The following CSMD1 variants were observed in gnomAD, a reference collection of about 807,000 sequenced individuals.
CSMD1 encodes the protein CUB and sushi domain-containing protein 1.
Under a neutral mutation model 417.5 loss-of-function variants are expected in CSMD1, and 213 were observed. The ratio of observed to expected loss-of-function variants is 0.51; its 90% confidence interval spans 0.46 to 0.57. CSMD1 has a LOEUF of 0.57. Ranked by LOEUF, CSMD1 falls within the 20% of genes least tolerant of loss-of-function variation. The pLI is 0.00. For missense variants in CSMD1, 6,923 were observed against 4,529.7 expected (o/e 1.53, Z -15.17); for synonymous variants, 2,862 against 1,736.8 (o/e 1.65, Z -16.11).
chr8:4,926,733 A>G (rs144942193), intron 1 of CSMD1, among the ~76,000 whole-genome samples: 126 of 152,240 alleles, frequency 8.3e-4, no homozygotes, highest in African/African-American at 2.9e-3. Context: ...TTTACAATCT[A>G]TACTGTGACT....
At chr8:4,897,935 A>C (rs1471730024) in intron 1 of CSMD1, among the ~76,000 whole-genome samples, 1 of 152,152 alleles carries the variant, frequency 6.6e-6, no homozygotes, top group Non-Finnish European at 1.5e-5. Flanking sequence ...TAGATTCTAA[A>C]CATAAGTCTA....
chr8:3,643,800 G>A (rs546869175), intron 7 of CSMD1, among the ~76,000 whole-genome samples: 2 of 151,742 alleles, frequency 1.3e-5, no homozygotes, highest in Non-Finnish European at 2.9e-5. Context: ...ATACAGAGAA[G>A]GGGAGGAATC....
intron 3 of CSMD1, among the ~76,000 whole-genome samples, chr8:4,344,453 G>A (rs896949251): frequency 5.3e-5 from 8 of 151,886 alleles, no homozygotes; most frequent in Non-Finnish European, 8.8e-5. Context: ...GCTCAAAGAT[G>A]CATTCTTTTA....
At chr8:4,837,729 G>A (rs1350306) in intron 1 of CSMD1, among the ~76,000 whole-genome samples, 65,300 of 151,730 alleles carry the variant, frequency 0.43, 14,452 homozygotes, top group Non-Finnish European at 0.49. Flanking sequence ...AGTAATAACC[G>A]TACATTTAAA....
At chr8:4,639,710 A>G (rs76260382) in intron 1 of CSMD1, among the ~76,000 whole-genome samples, 1 of 152,210 alleles carries the variant, frequency 6.6e-6, no homozygotes, top group Non-Finnish European at 1.5e-5. Flanking sequence ...AATTATTTTC[A>G]ACTACATTTT....
At chr8:4,146,666 C>G (rs1229277267) in intron 3 of CSMD1, among the ~76,000 whole-genome samples, 1 of 115,618 alleles carries the variant, frequency 8.6e-6, no homozygotes, top group African/African-American at 3.5e-5. Context: ...GGCTGGAGCG[C>G]AGTGGTGTGA....
chr8:4,020,267 G>T (rs893694551), intron 4 of CSMD1, among the ~76,000 whole-genome samples: 13 of 152,204 alleles, frequency 8.5e-5, no homozygotes, highest in African/African-American at 2.7e-4. Flanking sequence ...ACAGCACTGG[G>T]ATTTGCCCCA....
At position 3,052,593 on chromosome 8, in the gene CSMD1, T is replaced by C. The variant is rs1357274137; in HGVS notation, c.7529A>G (p.Glu2510Gly). Residue 2510 changes from glutamate to glycine, a missense_variant, in exon 50 of 70, where the codon GAG becomes GGG. Transcript: ENST00000635120. Reference protein sequence around the residue: ...SPGNGSFTGNEFTLDSKVVYE... With the variant: ...SPGNGSFTGNGFTLDSKVVYE... ...GACCACTTTACTGTCCAAAGTGAAC[T>C]CGTTCCCGGTAAATGAACCGTTTCC... is the stretch of plus-strand genomic sequence containing the variant. 1.2e-6 allele frequency: 2 copies of C among 1,612,036 alleles called. No homozygotes were observed.
At chr8:3,275,823 C>T (rs1026626547) in intron 26 of CSMD1, among the ~76,000 whole-genome samples, 2 of 152,028 alleles carry the variant, frequency 1.3e-5, no homozygotes, top group Non-Finnish European at 2.9e-5. Context: ...TCTAGTTATA[C>T]ATTCTTCTAA....
intron 48 of CSMD1, among the ~76,000 whole-genome samples, chr8:3,089,544 C>T (rs922856028): frequency 2.6e-5 from 4 of 152,112 alleles, no homozygotes; most frequent in East Asian, 1.9e-4. Flanking sequence ...GGGGATGCAA[C>T]GTGTGGTCAT....
chr8:3,841,771 A>T (rs1803151784), intron 5 of CSMD1, among the ~76,000 whole-genome samples: 1 of 152,118 alleles, frequency 6.6e-6, no homozygotes, highest in Non-Finnish European at 1.5e-5. Context: ...ACATCCACAG[A>T]CAATGAAAAT....
intron 3 of CSMD1, among the ~76,000 whole-genome samples, chr8:4,212,587 T>C (rs1006614427): frequency 3.3e-5 from 5 of 152,064 alleles, no homozygotes; most frequent in East Asian, 1.9e-4. Flanking sequence ...GGCCTGACAT[T>C]GTCAGTAGGT....
intron 1 of CSMD1, among the ~76,000 whole-genome samples, chr8:4,852,299 A>G (rs1801525728): frequency 6.6e-6 from 1 of 152,090 alleles, no homozygotes; most frequent in South Asian, 2.1e-4. Flanking sequence ...GTGGGAGCTG[A>G]TCCCTCATAG....
intron 5 of CSMD1, among the ~76,000 whole-genome samples, chr8:3,767,555 G>T (rs918716540): frequency 1.3e-5 from 2 of 152,154 alleles, no homozygotes; most frequent in African/African-American, 4.8e-5. Flanking sequence ...AACATCCAAA[G>T]CTGATTGCTG....
chr8:3,540,704 C>T (rs1283284249), intron 10 of CSMD1, among the ~76,000 whole-genome samples: 3 of 151,898 alleles, frequency 2.0e-5, no homozygotes, highest in African/African-American at 7.3e-5. Context: ...ACAAACAATC[C>T]CATTAAAAAG....
intron 3 of CSMD1, among the ~76,000 whole-genome samples, chr8:4,121,245 T>G (rs1991141): frequency 0.99 from 150,518 of 152,158 alleles, 74,473 homozygotes; most frequent in East Asian, 1. Flanking sequence ...CTCCCAGCTA[T>G]CTGGGATTAC....
chr8:2,999,532 T>C (rs1404077061), intron 53 of CSMD1, among the ~76,000 whole-genome samples: 1 of 152,174 alleles, frequency 6.6e-6, no homozygotes, highest in Non-Finnish European at 1.5e-5. Flanking sequence ...CAAAAATGTA[T>C]GCAACACGGA....
chr8:3,942,236 G>A (rs1321253946), intron 5 of CSMD1, among the ~76,000 whole-genome samples: 3 of 151,960 alleles, frequency 2.0e-5, no homozygotes, highest in East Asian at 3.9e-4. Context: ...ATATTACTGT[G>A]TAATCTTAAT....
At chr8:4,087,551 A>G (rs977240669) in intron 3 of CSMD1, among the ~76,000 whole-genome samples, 5 of 152,128 alleles carry the variant, frequency 3.3e-5, no homozygotes, top group African/African-American at 1.2e-4. Flanking sequence ...TTCCCTGGCT[A>G]TAATTTCTGT....
Sources: allele counts gnomAD v4.1 joint callset (sites outside exome capture counted in the v4.1 genomes callset), GRCh38; gene constraint gnomAD v4.1.1; transcripts MANE v1.5; gene names NCBI Gene and HGNC (gene_info 2026-07-23, HGNC 2026-07-21).